Variants in KCNC1 observed in about 807,000 individuals in gnomAD.
KCNC1 encodes potassium voltage-gated channel subfamily C member 1.
Under a neutral mutation model 43.4 loss-of-function variants are expected in KCNC1, and 8 were observed. That is an observed-to-expected ratio of 0.18 (90% CI 0.11 to 0.33). KCNC1 has a LOEUF of 0.33. Ranked by LOEUF, KCNC1 falls within the 10% of genes least tolerant of loss-of-function variation. The probability of loss-of-function intolerance (pLI) is 1.00; values close to 1 mark genes in which losing one functional copy is unlikely to be tolerated. For synonymous variants in KCNC1, 361 were observed against 360.5 expected, an observed-to-expected ratio of 1.00 and a Z score of -0.01; for missense variants, 420 against 836.0, an observed-to-expected ratio of 0.50 and a Z score of 6.14.
chr11:17,763,861 C>T (rs1849111678), intron 1 of KCNC1, among the ~76,000 whole-genome samples: 1 of 142,060 alleles, frequency 7.0e-6, no homozygotes, highest in South Asian at 2.4e-4. Context: ...CCACACACAC[C>T]CCACCACACA....
chr11:17,747,154 G>A (rs1478017310), intron 1 of KCNC1, among the ~76,000 whole-genome samples: 1 of 152,228 alleles, frequency 6.6e-6, no homozygotes, highest in East Asian at 1.9e-4. Context: ...CCTCCAGTCT[G>A]TCTACCAGGG....
In KCNC1 at chr11:17,750,040, C is replaced by G. The variant is rs576518328; in HGVS notation, c.570+13468C>G. ...AAGGAGGGTGCACAGGCCTTTGGGC[C>G]TGGCCAGGCCTGGGTTCTGATCCTT... On this transcript the variant is annotated intron_variant, in intron 1 of 3. Transcript: ENST00000265969. Among the ~76,000 whole-genome samples the G allele has an allele frequency of 2.0e-5, 3 of 152,158 alleles. No homozygotes were observed. The East Asian group carries it at 5.8e-4, about 30-fold the overall frequency.
At chr11:17,765,279 G>A (rs533112976) in intron 1 of KCNC1, among the ~76,000 whole-genome samples, 1 of 152,248 alleles carries the variant, frequency 6.6e-6, no homozygotes, top group South Asian at 2.1e-4. Context: ...AGCTCCCCAA[G>A]GCGAACCCCC....
chr11:17,753,701 G>T (rs373828410), intron 1 of KCNC1, among the ~76,000 whole-genome samples: 1 of 152,194 alleles, frequency 6.6e-6, no homozygotes, highest in African/African-American at 2.4e-5. Context: ...GCCCCGGCGT[G>T]GGGGGTGGGG....
intron 1 of KCNC1, among the ~76,000 whole-genome samples, chr11:17,756,738 T>TG (rs1849027011): frequency 6.6e-6 from 1 of 152,066 alleles, no homozygotes; most frequent in Non-Finnish European, 1.5e-5. Flanking sequence ...ATGGCCCAGT[T>TG]GGGGGGCGGG....
intron 1 of KCNC1, among the ~76,000 whole-genome samples, chr11:17,752,522 G>C (rs551889494): frequency 6.6e-6 from 1 of 152,196 alleles, no homozygotes; most frequent in Non-Finnish European, 1.5e-5. Context: ...CCCCACCCTC[G>C]TGCAAACTCA....
chr11:17,744,099 AG>A (rs1848872276), intron 1 of KCNC1, among the ~76,000 whole-genome samples: 1 of 152,174 alleles, frequency 6.6e-6, no homozygotes, highest in African/African-American at 2.4e-5. Flanking sequence ...GAATCTAGCC[AG>A]GCTGTGAAAC....
At chr11:17,775,793 G>T (rs1019598861) in intron 2 of KCNC1, 1 of 985,682 alleles carries the variant, frequency 1.0e-6, no homozygotes, top group East Asian at 1.1e-4. Flanking sequence ...TGGTGGCCGG[G>T]CTCCCTTCCT....
chr11:17,767,491 G>T lies in KCNC1; in HGVS notation c.571-4174G>T, dbSNP rs565519866. Among the ~76,000 whole-genome samples, 35 of 152,216 alleles carry T rather than the reference G, an allele frequency of 2.3e-4. No homozygotes were observed. In the South Asian group the frequency reaches 2.9e-3, roughly 13 times the overall value. ...GGCACATAGTAGGTCCTCAAGTTTT[G>T]GGAGCTCTTTCCTTTCTCCAGCCAG... On this transcript the variant is annotated intron_variant, in intron 1 of 3. Transcript: ENST00000265969.
rs1848856493 is a variant in KCNC1 at position 17,742,733 on chromosome 11, C to A, written c.570+6161C>A. ...TTTTCATTCAGTGAAAATAAACAGG[C>A]TCAGAGAGGGAAAGACACTTGCTCA... On this transcript the variant is annotated intron_variant, in intron 1 of 3. Coordinates refer to ENST00000265969, the MANE Select transcript of KCNC1 (RefSeq NM_001112741.2). The surrounding 1 kb of genome is among the most constrained non-coding windows in gnomAD (Gnocchi z 4.2). 6.6e-6 allele frequency among the ~76,000 whole-genome samples: 1 copy of A among 152,186 alleles called. No individual in the cohort carries two copies. Among genetic ancestry groups the A allele is most frequent in the African/African-American group, 2.4e-5 (1 of 41,436 alleles).
Position 17,773,180 on chromosome 11 carries a change from C to T in KCNC1, c.1504+582C>T. The T allele has an allele frequency of 1.0e-6, 1 of 986,728 alleles. No individual in the cohort carries two copies. The highest frequency in any genetic ancestry group is 1.2e-6 in the Non-Finnish European group (1 of 830,930). The allele number at this position is 986,728 out of a possible 1,614,324, so 61.1% of individuals were successfully genotyped here. A position where few individuals can be genotyped will look rare whatever the true frequency, so the allele number is the denominator to read the frequency against. On this transcript the variant is annotated intron_variant, in intron 2 of 3. Transcript: ENST00000265969. This position sits in a 1 kb window ranked among gnomAD's most constrained non-coding sequence, Gnocchi z 4.1. ...ATTCCTGCCCTGATTTCGGGCTGCC[C>T]AGCTCGAGGTCCTTCCCAGGAGACG...
rs2229007 is a variant in KCNC1 at position 17,771,838 on chromosome 11, C to T, written c.744C>T (p.Ile248=). Residue 248 remains isoleucine, a synonymous_variant, in exon 2 of 4, where the codon ATC becomes ATT. Coordinates refer to ENST00000265969, the MANE Select transcript of KCNC1 (RefSeq NM_001112741.2). The surrounding 1 kb of genome is among the most constrained non-coding windows in gnomAD (Gnocchi z 4.7). ...AGACGGAGGCCTTCCTTACCTACAT[C>T]GAGGGCGTCTGTGTGGTCTGGTTCA... The part of the protein sequence containing the change: ...EAETEAFLTY[I]EGVCVVWFTF... 0.04 allele frequency: 64,643 copies of T among 1,614,160 alleles called. 1,462 individuals are homozygous for T. The highest frequency in any genetic ancestry group is 0.052 in the Admixed American group (3,136 of 60,028).
chr11:17,741,173 T>C (rs1241403114), intron 1 of KCNC1, among the ~76,000 whole-genome samples: 1 of 151,836 alleles, frequency 6.6e-6, no homozygotes, highest in African/African-American at 2.4e-5. Context: ...CTTCCCATGA[T>C]CCTTGTATGG....
intron 1 of KCNC1, among the ~76,000 whole-genome samples, chr11:17,745,734 C>T (rs552853864): frequency 1.0e-3 from 158 of 152,234 alleles, no homozygotes; most frequent in African/African-American, 3.7e-3. Flanking sequence ...TCAAGACCTG[C>T]GCTGCGCTGG....
chr11:17,778,628 G>A (rs969299081), intron 2 of KCNC1, among the ~76,000 whole-genome samples: 3 of 152,224 alleles, frequency 2.0e-5, no homozygotes, highest in Non-Finnish European at 4.4e-5. Context: ...GTCCGTCCAT[G>A]TGGGGGACGG....
At position 17,779,264 on chromosome 11, in the gene KCNC1, G is replaced by A; in HGVS notation, c.1505-192G>A. 7.3e-6 allele frequency: 4 copies of A among 545,970 alleles called. No homozygotes were observed. Among genetic ancestry groups the A allele is most frequent in the Non-Finnish European group, 9.6e-6 (3 of 312,864 alleles). 33.8% of individuals were successfully genotyped at this position (545,970 alleles called of 1,614,324 possible). A position where few individuals can be genotyped will look rare whatever the true frequency, so the allele number is the denominator to read the frequency against. ...TCCCAGCACTGTGGGCAGCCCGAAG[G>A]CTGCCTGAATGAGCTGAACCCCCCA... On this transcript the variant is annotated intron_variant, in intron 2 of 3. Transcript: ENST00000265969. This position sits in a 1 kb window ranked among gnomAD's most constrained non-coding sequence, Gnocchi z 7.2.
intron 1 of KCNC1, among the ~76,000 whole-genome samples, chr11:17,749,976 A>G (rs948031813): frequency 6.6e-6 from 1 of 152,236 alleles, no homozygotes; most frequent in African/African-American, 2.4e-5. Flanking sequence ...AGAGGCCACC[A>G]TCTCAAGTGC....
intron 1 of KCNC1, among the ~76,000 whole-genome samples, chr11:17,741,957 T>C (rs1267808893): frequency 1.3e-5 from 2 of 152,232 alleles, no homozygotes; most frequent in African/African-American, 2.4e-5. Context: ...CCAGGGCCCT[T>C]CCTGGGAGAG....
At chr11:17,751,308 C>T (rs748336786) in intron 1 of KCNC1, among the ~76,000 whole-genome samples, 9 of 152,086 alleles carry the variant, frequency 5.9e-5, no homozygotes, top group East Asian at 3.9e-4. Context: ...GATAAAAAGA[C>T]GGATATGTGG....
Sources: gnomAD v4.1 joint callset for allele counts (sites outside exome capture counted in the v4.1 genomes callset) on GRCh38, gnomAD v4.1.1 for gene constraint, Gnocchi (gnomAD v3.1) non-coding constraint, MANE v1.5 for transcripts, NCBI Gene and HGNC (gene_info 2026-07-23, HGNC 2026-07-21) for gene names.